Variants in ADAMTS19 observed in about 807,000 individuals in gnomAD.
The protein encoded by ADAMTS19 is ADAM metallopeptidase with thrombospondin type 1 motif 19, also known as A disintegrin and metalloproteinase with thrombospondin motifs 19.
Under a neutral mutation model 153.3 loss-of-function variants are expected in ADAMTS19, and 93 were observed. The observed-to-expected ratio is 0.61, with a 90% confidence interval of 0.51 to 0.72. The LOEUF (loss-of-function observed/expected upper bound fraction) is 0.72. Ranked by LOEUF, ADAMTS19 falls within the 30% of genes least tolerant of loss-of-function variation. The probability of loss-of-function intolerance (pLI) is 0.00; values close to 1 mark genes in which losing one functional copy is unlikely to be tolerated. For missense variants in ADAMTS19, 1,482 were observed against 1,552.1 expected (o/e 0.95, Z 0.76); for synonymous variants, 600 against 556.6 (o/e 1.08, Z -1.10).
At chr5:129,683,980 T>G in intron 17 of ADAMTS19, 140 bp from the exon 18 acceptor site, 5 of 810,474 alleles carry the variant, frequency 6.2e-6, no homozygotes, top group Non-Finnish European at 9.4e-6. Context: ...AAGAGAAGGG[T>G]ATGTCCACAA....
chr5:129,485,149 G>C (rs1237713932), intron 2 of ADAMTS19, among the ~76,000 whole-genome samples: 1 of 152,026 alleles, frequency 6.6e-6, no homozygotes, highest in Non-Finnish European at 1.5e-5. Flanking sequence ...AAACACATTG[G>C]TGTAATCTTA....
intron 8 of ADAMTS19, among the ~76,000 whole-genome samples, chr5:129,614,639 A>C (rs1024169349): frequency 3.4e-4 from 51 of 152,078 alleles, no homozygotes; most frequent in Admixed American, 1.3e-3. Context: ...ACAGGGATGT[A>C]CTCTCTCACC....
intron 6 of ADAMTS19, among the ~76,000 whole-genome samples, chr5:129,540,154 G>C (rs912309872): frequency 3.3e-5 from 5 of 152,078 alleles, no homozygotes; most frequent in Non-Finnish European, 7.4e-5. Context: ...ACCAGGCTCA[G>C]TTTCTAGTAA....
At chr5:129,677,915 C>T (rs1052473403) in intron 16 of ADAMTS19, among the ~76,000 whole-genome samples, 4 of 152,092 alleles carry the variant, frequency 2.6e-5, no homozygotes, top group African/African-American at 4.8e-5. Flanking sequence ...TAGGTTCAAG[C>T]GATCCACCCA....
chr5:129,474,188 G>T (rs1422243419), intron 2 of ADAMTS19, among the ~76,000 whole-genome samples: 1 of 152,112 alleles, frequency 6.6e-6, no homozygotes, highest in Non-Finnish European at 1.5e-5. Context: ...CACTTAGCAT[G>T]ATGATGTTTT....
chr5:129,498,550 A>G (rs1750998616), intron 2 of ADAMTS19, among the ~76,000 whole-genome samples: 1 of 152,048 alleles, frequency 6.6e-6, no homozygotes, highest in Non-Finnish European at 1.5e-5. Context: ...TGGGACACAA[A>G]CATGTTGTTA....
intron 7 of ADAMTS19, among the ~76,000 whole-genome samples, chr5:129,593,195 C>A (rs544154807): frequency 6.6e-6 from 1 of 152,254 alleles, no homozygotes; most frequent in African/African-American, 2.4e-5. Flanking sequence ...AAACCCAAAT[C>A]TCTCTGATCC....
intron 7 of ADAMTS19, among the ~76,000 whole-genome samples, chr5:129,588,884 T>C (rs376474226): frequency 6.6e-6 from 1 of 151,780 alleles, no homozygotes; most frequent in Non-Finnish European, 1.5e-5. Flanking sequence ...TATATTTTAC[T>C]TTATTTCTGT....
chr5:129,517,415 A>G (rs375760958), intron 3 of ADAMTS19, among the ~76,000 whole-genome samples: 4 of 151,812 alleles, frequency 2.6e-5, no homozygotes, highest in South Asian at 4.2e-4. Context: ...ATTGTGGCCT[A>G]TTCTCTCTCA....
At position 129,460,335 on chromosome 5, in the gene ADAMTS19, A is replaced by C; in HGVS notation, c.-57A>C. ...CTCCGGGGAGGCCGCTGCGCCCCGG[A>C]GTGGATCGCGCTGGAGGCGTGCGCC... On this transcript the variant is annotated 5_prime_UTR_variant, in exon 1 of 23. Coordinates refer to ENST00000274487, the MANE Select transcript of ADAMTS19 (RefSeq NM_133638.6). The C allele has an allele frequency of 7.4e-7, 1 of 1,347,738 alleles. No homozygotes were observed. The highest frequency in any genetic ancestry group is 1.0e-6 in the Non-Finnish European group (1 of 990,488). 83.5% of individuals were successfully genotyped at this position (1,347,738 alleles called of 1,614,324 possible).
intron 17 of ADAMTS19, among the ~76,000 whole-genome samples, chr5:129,680,706 G>A (rs1363264099): frequency 6.7e-6 from 1 of 150,310 alleles, no homozygotes; most frequent in African/African-American, 2.5e-5. Context: ...AGGTTGCAGT[G>A]AGCAGAGATC....
At chr5:129,567,495 T>C (rs1336736024) in intron 7 of ADAMTS19, among the ~76,000 whole-genome samples, 2 of 152,164 alleles carry the variant, frequency 1.3e-5, no homozygotes, top group East Asian at 3.9e-4. Flanking sequence ...TAGAAAGTCT[T>C]AGTAAATAAA....
At chr5:129,479,643 G>GT (rs1314381378) in intron 2 of ADAMTS19, among the ~76,000 whole-genome samples, 3 of 152,128 alleles carry the variant, frequency 2.0e-5, no homozygotes, top group East Asian at 1.9e-4. Flanking sequence ...ACAAATACGA[G>GT]TTTTTTTATA....
rs376179429 is a variant in ADAMTS19 at position 129,647,060 on chromosome 5, T to G, written c.1873-705T>G. On this transcript the variant is annotated intron_variant, in intron 11 of 22. Transcript: ENST00000274487. ...TAAAAAAGAGAATGACTACACTTCT[T>G]TCTCTTATTCCAGTTATCTTTACCA... Among the ~76,000 whole-genome samples, 17 of 152,208 alleles carry G rather than the reference T, an allele frequency of 1.1e-4. No individual in the cohort carries two copies. The South Asian group carries it at 3.3e-3, about 30-fold the overall frequency.
chr5:129,544,848 C>T (rs1233685709), intron 6 of ADAMTS19, among the ~76,000 whole-genome samples: 2 of 152,148 alleles, frequency 1.3e-5, no homozygotes, highest in Non-Finnish European at 2.9e-5. Flanking sequence ...AACAAAGAAA[C>T]ATTCTGCCTC....
At chr5:129,630,397 T>C (rs1001701905) in intron 10 of ADAMTS19, among the ~76,000 whole-genome samples, 2 of 152,060 alleles carry the variant, frequency 1.3e-5, no homozygotes, top group African/African-American at 4.8e-5. Flanking sequence ...CAATGTGGTG[T>C]TGACGAAAGG....
intron 8 of ADAMTS19, among the ~76,000 whole-genome samples, chr5:129,618,448 G>A (rs528849708): frequency 6.6e-6 from 1 of 151,874 alleles, no homozygotes; most frequent in East Asian, 1.9e-4. Context: ...CATGGTGATA[G>A]AATTAGTCTT....
intron 10 of ADAMTS19, among the ~76,000 whole-genome samples, 199 bp from the exon 11 acceptor site, chr5:129,641,660 A>C (rs2127023645): frequency 6.6e-6 from 1 of 152,222 alleles, no homozygotes; most frequent in East Asian, 1.9e-4. Context: ...TTTTTCTATC[A>C]TTATGTATCA....
At chr5:129,536,303 A>C (rs903820944) in intron 6 of ADAMTS19, among the ~76,000 whole-genome samples, 3 of 152,244 alleles carry the variant, frequency 2.0e-5, no homozygotes, top group African/African-American at 7.2e-5. Context: ...CAAAAGACAC[A>C]TGAAAAAATG....
Sources: gnomAD v4.1 joint callset for allele counts (sites outside exome capture counted in the v4.1 genomes callset) on GRCh38, gnomAD v4.1.1 for gene constraint, MANE v1.5 for transcripts, NCBI Gene and HGNC (gene_info 2026-07-23, HGNC 2026-07-21) for gene names.